TMEM268: variants seen among roughly 807,000 people sequenced by gnomAD.
TMEM268 encodes the protein transmembrane protein 268, also known as transmembrane protein C9orf91.
TMEM268 carries 24 observed loss-of-function variants against 39.1 expected under a neutral mutation model. The ratio of observed to expected loss-of-function variants is 0.61; its 90% CI spans 0.44 to 0.86. The LOEUF (loss-of-function observed/expected upper bound fraction) is 0.86, where lower values mean the gene tolerates loss of function less well. Among genes scored for constraint, TMEM268 ranks in the 40% least tolerant of loss-of-function variants. The pLI is 0.00. For missense variants in TMEM268, 409 were observed against 428.6 expected (o/e 0.95, Z 0.40); for synonymous variants, 176 against 173.5 (o/e 1.01, Z -0.12).
chr9:114,613,245 G>A (rs1378527298), intron 1 of TMEM268, among the ~76,000 whole-genome samples: 1 of 152,184 alleles, frequency 6.6e-6, no homozygotes, highest in African/African-American at 2.4e-5. Context: ...AGAGTGCTGT[G>A]GTTTCTTCTG....
upstream of TMEM268, among the ~76,000 whole-genome samples, chr9:114,607,220 C>T (rs1403783371): frequency 6.6e-6 from 1 of 152,176 alleles, no homozygotes; most frequent in African/African-American, 2.4e-5. Flanking sequence ...TTAACAATTA[C>T]TGAGGACAGG....
chr9:114,604,014 C>CT, the TMEM268 span, among the ~76,000 whole-genome samples: 14,884 of 143,998 alleles, frequency 0.1, 803 homozygotes, highest in South Asian at 0.15. Context: ...TAATTTAATT[C>CT]TTTTTTTTTT....
At chr9:114,630,458 T>C (rs745315214) in intron 5 of TMEM268, among the ~76,000 whole-genome samples, 6 of 152,220 alleles carry the variant, frequency 3.9e-5, no homozygotes, top group Non-Finnish European at 5.9e-5. Flanking sequence ...TTCCTAATAA[T>C]GTCCATCATT....
At chr9:114,624,864 C>T (rs908953130) in intron 3 of TMEM268, among the ~76,000 whole-genome samples, 1 of 152,184 alleles carries the variant, frequency 6.6e-6, no homozygotes, top group Non-Finnish European at 1.5e-5. Context: ...GGGAAGAGGG[C>T]AGTGGTTGTG....
intron 2 of TMEM268, chr9:114,622,279 T>C (rs1405340082): frequency 1.0e-6 from 1 of 985,274 alleles, no homozygotes; most frequent in African/African-American, 1.7e-5. Context: ...TAATCTCTTC[T>C]GTCCTGCCTC....
At position 114,632,605 on chromosome 9, in the gene TMEM268, G is replaced by A. The variant is rs533018487; in HGVS notation, c.475-1163G>A. 4.0e-4 allele frequency among the ~76,000 whole-genome samples: 61 copies of A among 152,276 alleles called. No individual in the cohort carries two copies. In the South Asian group the frequency reaches 0.011, roughly 27 times the overall value. ...GGAGAGCAGGAGGCTGATTCCCAGA[G>A]CCCCACCTGAGGGCCAGGCGCTGTG... is the stretch of plus-strand genomic sequence containing the variant. On this transcript the variant is annotated intron_variant, in intron 5 of 8. Transcript: ENST00000288502.
intron 1 of TMEM268, among the ~76,000 whole-genome samples, chr9:114,613,144 G>A (rs1448883545): frequency 6.6e-6 from 1 of 152,214 alleles, no homozygotes; most frequent in East Asian, 1.9e-4. Flanking sequence ...GGACAGGGCC[G>A]GTTACTTTTA....
At chr9:114,629,284 A>G (rs910580270) in intron 5 of TMEM268, among the ~76,000 whole-genome samples, 5 of 152,272 alleles carry the variant, frequency 3.3e-5, no homozygotes, top group African/African-American at 1.2e-4. Flanking sequence ...ATCTAGGTAC[A>G]GGCAGGGCTG....
intron 1 of TMEM268, among the ~76,000 whole-genome samples, chr9:114,612,918 T>G (rs1376799485): frequency 6.6e-6 from 1 of 152,222 alleles, no homozygotes; most frequent in African/African-American, 2.4e-5. Flanking sequence ...GGGCCTGGCC[T>G]GAGAAGGTGC....
intron 8 of TMEM268, among the ~76,000 whole-genome samples, chr9:114,641,153 G>C (rs1197312007): frequency 6.6e-6 from 1 of 152,146 alleles, no homozygotes; most frequent in East Asian, 1.9e-4. Context: ...TAGGATTACA[G>C]GTGTGAGCCA....
rs764428936 is a variant in TMEM268, at chr9:114,633,854, G to A, written c.561G>A (p.Val187=). The A allele has an allele frequency of 6.2e-7, 1 of 1,601,536 alleles. No homozygotes were observed. The highest frequency in any genetic ancestry group is 1.1e-5 in the South Asian group (1 of 89,304). ...TGCTGCTGGGGGTGACAGACACAGT[G>A]GAAGGATGCCAGAGTGTGATTCAGG... The part of the protein sequence containing the change: ...HRVLLGVTDT[V]EGCQSVIQLW... Residue 187 remains valine, a synonymous_variant, in exon 6 of 9, where the codon GTG becomes GTA. Coordinates refer to ENST00000288502, the MANE Select transcript of TMEM268 (RefSeq NM_153045.4).
chr9:114,631,101 C>T (rs1295671600), intron 5 of TMEM268, among the ~76,000 whole-genome samples: 1 of 151,940 alleles, frequency 6.6e-6, no homozygotes, highest in Non-Finnish European at 1.5e-5. Context: ...ATCACTTGGG[C>T]CCAGGAGTTT....
the TMEM268 span, among the ~76,000 whole-genome samples, chr9:114,604,073 T>G: frequency 3.4e-3 from 522 of 152,174 alleles, 5 homozygotes; most frequent in East Asian, 0.031. Context: ...CCCAAGGATG[T>G]GCAGTGATGG....
At chr9:114,634,864 C>G (rs16930445) in intron 6 of TMEM268, among the ~76,000 whole-genome samples, 20,181 of 152,084 alleles carry the variant, frequency 0.13, 1,906 homozygotes, top group African/African-American at 0.27. Context: ...GATGATCTTG[C>G]CTATCATTGG....
At chr9:114,610,189 G>A (rs1016732458), upstream of TMEM268, among the ~76,000 whole-genome samples, 9 of 151,992 alleles carry the variant, frequency 5.9e-5, no homozygotes, top group Admixed American at 3.3e-4. Flanking sequence ...ACAGGCATGC[G>A]CCACCAGGCC....
chr9:114,640,915 G>C (rs1174872890), intron 8 of TMEM268, among the ~76,000 whole-genome samples: 2 of 148,262 alleles, frequency 1.3e-5, no homozygotes, highest in East Asian at 4.0e-4. Flanking sequence ...TTGCTCTTTT[G>C]CCCAGGCTAG....
At chr9:114,620,406 G>C (rs1290364955) in intron 2 of TMEM268, among the ~76,000 whole-genome samples, 2 of 151,846 alleles carry the variant, frequency 1.3e-5, no homozygotes, top group Non-Finnish European at 2.9e-5. Flanking sequence ...CACCACGTCT[G>C]GCTAATTTTT....
At chr9:114,626,046 C>T (rs1564290796) in intron 3 of TMEM268, among the ~76,000 whole-genome samples, 1 of 151,912 alleles carries the variant, frequency 6.6e-6, no homozygotes, top group Non-Finnish European at 1.5e-5. Flanking sequence ...AGGCTGGTCT[C>T]AAACTCCTGA....
intron 5 of TMEM268, among the ~76,000 whole-genome samples, chr9:114,629,163 T>C (rs1158890601): frequency 6.6e-6 from 1 of 152,260 alleles, no homozygotes; most frequent in Non-Finnish European, 1.5e-5. Context: ...CTGTTGGTTT[T>C]CCAAAGCTGC....
Sources: gnomAD v4.1 joint callset for allele counts (sites outside exome capture counted in the v4.1 genomes callset) on GRCh38, gnomAD v4.1.1 for gene constraint, MANE v1.5 for transcripts, NCBI Gene and HGNC (gene_info 2026-07-23, HGNC 2026-07-21) for gene names.